Variants in EEA1 observed in about 807,000 individuals in gnomAD.
EEA1 encodes the protein early endosome antigen 1.
EEA1 carries 111 observed loss-of-function variants against 209.2 expected under a neutral mutation model. That is an observed-to-expected ratio of 0.53 (90% CI 0.45 to 0.62). The LOEUF is 0.62. Among genes scored for constraint, EEA1 ranks in the 20% least tolerant of loss-of-function variants. The pLI, the probability that EEA1 is intolerant of heterozygous loss-of-function variation, is 0.00. For synonymous variants in EEA1, 536 were observed against 540.6 expected (o/e 0.99, Z 0.12); for missense variants, 1,343 against 1,530.8 (o/e 0.88, Z 2.05).
chr12:92,829,441 A>G (rs546388401), intron 11 of EEA1, among the ~76,000 whole-genome samples: 2 of 152,322 alleles, frequency 1.3e-5, no homozygotes, highest in African/African-American at 2.4e-5. Context: ...ATGAATGCTT[A>G]TATTTATTCA....
chr12:92,800,869 T>G (rs1229913215), intron 20 of EEA1, among the ~76,000 whole-genome samples: 1 of 152,222 alleles, frequency 6.6e-6, no homozygotes, highest in African/African-American at 2.4e-5. Context: ...CAATTATAAT[T>G]TTGCTACTTA....
intron 5 of EEA1, among the ~76,000 whole-genome samples, chr12:92,855,264 C>T (rs1213140237): frequency 5.9e-5 from 9 of 152,128 alleles, no homozygotes; most frequent in African/African-American, 2.2e-4. Context: ...CCCGTCTCTA[C>T]TAAAAATACA....
chr12:92,855,384 C>G (rs1443021244), intron 5 of EEA1, among the ~76,000 whole-genome samples: 3 of 150,400 alleles, frequency 2.0e-5, no homozygotes, highest in African/African-American at 7.4e-5. Flanking sequence ...GAGCCGAGAT[C>G]GCGCGCCACT....
In EEA1 at chr12:92,779,189, G is replaced by C. The variant is rs150493980; in HGVS notation, c.3580C>G (p.Gln1194Glu). ...AAVEQEKRNQ[Q>E]ILKDQVKKEE... ...TTTTTCACCTGGTCTTTTAGTATCT[G>C]CTGATTTCTCTTCTCCTGTTCAACA... Residue 1194 changes from glutamine to glutamate, a missense_variant, in exon 25 of 29, where the codon CAG becomes GAG. By Grantham distance (29) the Gln-to-Glu change is conservative. This residue lies in a region of EEA1 where 1,307 missense variants were observed against 1,465.5 expected (regional missense o/e 0.89). Transcript: ENST00000322349. 30 of 1,611,208 alleles carry C rather than the reference G, an allele frequency of 1.9e-5. No homozygotes were observed. Among genetic ancestry groups the C allele is most frequent in the Non-Finnish European group, 2.4e-5 (28 of 1,179,214 alleles).
At chr12:92,894,723 C>T (rs145934600) in intron 1 of EEA1, among the ~76,000 whole-genome samples, 8 of 152,316 alleles carry the variant, frequency 5.3e-5, no homozygotes, top group African/African-American at 1.7e-4. Context: ...AAGAAGCTGT[C>T]TCCATAACAT....
chr12:92,788,146 A>T, intron 21 of EEA1, 97 bp from the exon 22 acceptor site: 1 of 1,084,134 alleles, frequency 9.2e-7, no homozygotes, highest in Non-Finnish European at 1.2e-6. Context: ...ATTCCAAACA[A>T]TAAGATGAAC....
At chr12:92,915,253 G>A (rs570373247) in intron 1 of EEA1, among the ~76,000 whole-genome samples, 29 of 152,240 alleles carry the variant, frequency 1.9e-4, no homozygotes, top group African/African-American at 5.8e-4. Context: ...CATCACTTGA[G>A]CCAAGGAGTT....
In EEA1 at chr12:92,882,890, C is replaced by T. The variant is rs551978631; in HGVS notation, c.117+8739G>A. Among the ~76,000 whole-genome samples, 7 of 152,158 alleles carry T rather than the reference C, an allele frequency of 4.6e-5. No individual in the cohort carries two copies. The East Asian group carries it at 9.6e-4, about 21-fold the overall frequency. Reference sequence around the variant, plus strand: ...TAGTGCTGTAATGAACATACAAATGCGCATGTCTTTTTGGTAGAACAGTTT... The same window carrying T: ...TAGTGCTGTAATGAACATACAAATGTGCATGTCTTTTTGGTAGAACAGTTT... On this transcript the variant is annotated intron_variant, in intron 2 of 28. Transcript: ENST00000322349.
intron 21 of EEA1, among the ~76,000 whole-genome samples, chr12:92,790,345 G>C (rs984693873): frequency 2.0e-5 from 3 of 152,168 alleles, no homozygotes; most frequent in African/African-American, 7.2e-5. Flanking sequence ...CGAGCTAAAG[G>C]AGGATGTTCG....
chr12:92,834,624 T>TA (rs1876830494), intron 10 of EEA1, among the ~76,000 whole-genome samples: 1 of 148,186 alleles, frequency 6.7e-6, no homozygotes, highest in African/African-American at 2.5e-5. Flanking sequence ...GAGCAACCAT[T>TA]AAGTTTACAG....
chr12:92,925,213 TTTTTG>T (rs1043598190), intron 1 of EEA1, among the ~76,000 whole-genome samples: 15 of 152,058 alleles, frequency 9.9e-5, no homozygotes, highest in African/African-American at 1.9e-4. Context: ...AATCACAGTT[TTTTTG>T]TTTTGTTTTG....
chr12:92,800,026 C>T (rs1267852491), intron 20 of EEA1, among the ~76,000 whole-genome samples: 2 of 151,934 alleles, frequency 1.3e-5, no homozygotes, highest in Admixed American at 6.6e-5. Context: ...AGCTCGAGAC[C>T]AGCCTGGGCA....
At position 92,852,175 on chromosome 12, in the gene EEA1, C is replaced by A; in HGVS notation, c.642G>T (p.Leu214=). 1 of 1,569,430 alleles carries A rather than the reference C, an allele frequency of 6.4e-7. No homozygotes were observed. The highest frequency in any genetic ancestry group is 2.0e-5 in the Admixed American group (1 of 50,982). ...ATVIQDLKTE[L]LQRPGIEDVA... is the part of the protein sequence containing the mutation. Reference sequence around the variant, plus strand: ...TCTCAATAAATAATTCCTAAATTACCAGTTCCGTCTTCAGATCTTGAATTA... The same window carrying A: ...TCTCAATAAATAATTCCTAAATTACAAGTTCCGTCTTCAGATCTTGAATTA... The change falls in exon 8 of 29, where the codon CTG becomes CTT. Residue 214 remains leucine (L), a splice_region_variant and synonymous_variant. Transcript: ENST00000322349.
intron 21 of EEA1, among the ~76,000 whole-genome samples, chr12:92,790,037 G>A (rs1874325827): frequency 1.3e-5 from 2 of 152,234 alleles, no homozygotes; most frequent in South Asian, 4.1e-4. Context: ...ATCTGCAGCT[G>A]AGGGACCTGT....
intron 3 of EEA1, among the ~76,000 whole-genome samples, chr12:92,863,453 C>T (rs1878237069): frequency 6.6e-6 from 1 of 152,188 alleles, no homozygotes; most frequent in South Asian, 2.1e-4. Flanking sequence ...AAGAGGCCCA[C>T]ATGAAAGAGA....
At chr12:92,923,790 C>T (rs554129184) in intron 1 of EEA1, among the ~76,000 whole-genome samples, 5 of 144,102 alleles carry the variant, frequency 3.5e-5, no homozygotes, top group Non-Finnish European at 6.0e-5. Flanking sequence ...AATAAATATT[C>T]GGTAGTACAT....
intron 1 of EEA1, among the ~76,000 whole-genome samples, chr12:92,914,321 T>C (rs1219395609): frequency 2.0e-5 from 3 of 152,134 alleles, no homozygotes; most frequent in Non-Finnish European, 4.4e-5. Context: ...ATTTCTGGGT[T>C]CTCTCTTCTG....
chr12:92,863,431 A>G (rs1402717143), intron 3 of EEA1, among the ~76,000 whole-genome samples: 2 of 152,214 alleles, frequency 1.3e-5, no homozygotes, highest in Non-Finnish European at 1.5e-5. Context: ...AGGAAGTCCA[A>G]GCAGCCACAT....
In EEA1 at chr12:92,776,123, C is replaced by T; in HGVS notation, c.4124G>A (p.Arg1375Gln). The T allele has an allele frequency of 1.2e-6, 2 of 1,605,336 alleles. No individual in the cohort carries two copies. Among genetic ancestry groups the T allele is most frequent in the Non-Finnish European group, 1.7e-6 (2 of 1,175,542 alleles). ...FSVTVRRHHC[R>Q]QCGNIFCAEC... is the part of the protein sequence containing the mutation. ...AGCACAGAAGATATTTCCACACTGT[C>T]GGCAGTGATGCTGTAAATGACAAAA... Residue 1375 changes from arginine (R) to glutamine (Q), a missense_variant, in exon 29 of 29, where the codon CGA becomes CAA. By Grantham distance (43) the Arg-to-Gln change is conservative. Coordinates refer to ENST00000322349, the MANE Select transcript of EEA1 (RefSeq NM_003566.4).
Sources: allele counts gnomAD v4.1 joint callset (sites outside exome capture counted in the v4.1 genomes callset), GRCh38; gene constraint gnomAD v4.1.1; regional missense constraint gnomAD v4.1.1; transcripts MANE v1.5; gene names NCBI Gene and HGNC (gene_info 2026-07-23, HGNC 2026-07-21).